PDZD2: variants seen among roughly 807,000 people sequenced by gnomAD.
PDZD2 encodes the protein PDZ domain containing 2.
In PDZD2, 90 loss-of-function variants were observed where a neutral mutation model predicts 220.7. The ratio of observed to expected loss-of-function variants is 0.41; its 90% CI spans 0.34 to 0.49. PDZD2 has a LOEUF of 0.49. Among genes scored for constraint, PDZD2 ranks in the 20% least tolerant of loss-of-function variants. PDZD2 has a pLI of 0.28. For missense variants in PDZD2, 3,174 were observed against 3,608.5 expected (o/e 0.88, Z 3.08); for synonymous variants, 1,375 against 1,450.5 (o/e 0.95, Z 1.18).
Position 32,108,099 on chromosome 5 carries a change from G to A in PDZD2, c.8484G>A (p.Val2828=). 1.9e-6 allele frequency: 3 copies of A among 1,609,958 alleles called. No homozygotes were observed. Among genetic ancestry groups the A allele is most frequent in the Non-Finnish European group, 2.5e-6 (3 of 1,177,024 alleles). The change falls in exon 25 of 25, where the codon GTG becomes GTA. Residue 2828 remains valine (V), a synonymous_variant. Transcript: ENST00000438447. ...TGAAGTCTGTCCCAGAAGGACCTGT[G>A]CAGTTATTAATTAGAAAGCATAGGA... ...NIMKSVPEGP[V]QLLIRKHRNS...
intron 7 of PDZD2, among the ~76,000 whole-genome samples, chr5:32,045,875 C>T (rs1483914808): frequency 6.6e-6 from 1 of 151,676 alleles, no homozygotes; most frequent in African/African-American, 2.4e-5. Flanking sequence ...GCTTTCTTCC[C>T]ACTTTCTATC....
chr5:31,774,846 T>C (rs1001327755), intron 1 of PDZD2, among the ~76,000 whole-genome samples: 5 of 152,252 alleles, frequency 3.3e-5, no homozygotes, highest in Admixed American at 1.3e-4. Context: ...TGTATATAAA[T>C]AGAACTTTAA....
rs556131040 is a variant in PDZD2, at chr5:31,777,156, G to A, written c.-360-21733G>A. Among the ~76,000 whole-genome samples, 613 of 152,296 alleles carry A rather than the reference G, an allele frequency of 4.0e-3. 2 individuals carry two copies. Among genetic ancestry groups the A allele is most frequent in the African/African-American group, 0.013 (553 of 41,582 alleles). On this transcript the variant is annotated intron_variant, in intron 1 of 24. Coordinates refer to ENST00000438447, the MANE Select transcript of PDZD2 (RefSeq NM_178140.4). ...TGCACTGGCGCTCGCGGGGCAGCGT[G>A]AGTTCCGGGTGGGCACGGGCTCGGC...
At chr5:31,926,698 C>T (rs1236432472) in intron 2 of PDZD2, among the ~76,000 whole-genome samples, 1 of 152,138 alleles carries the variant, frequency 6.6e-6, no homozygotes, top group Non-Finnish European at 1.5e-5. Flanking sequence ...TACCATTCAA[C>T]CCAGCAATTC....
chr5:31,799,869 C>T, intron 2 of PDZD2, 145 bp downstream of exon 2: 6 of 638,542 alleles, frequency 9.4e-6, no homozygotes, highest in Non-Finnish European at 1.7e-5. Context: ...CTCATCCATT[C>T]AACGCAGCAT....
intron 2 of PDZD2, among the ~76,000 whole-genome samples, chr5:31,832,705 A>G (rs576682694): frequency 2.4e-4 from 37 of 152,172 alleles, no homozygotes; most frequent in African/African-American, 8.2e-4. Context: ...AAACCCAGCT[A>G]CTCAGGAGGC....
intron 1 of PDZD2, among the ~76,000 whole-genome samples, chr5:31,705,400 G>A (rs1282445747): frequency 2.0e-5 from 3 of 152,146 alleles, no homozygotes; most frequent in Non-Finnish European, 4.4e-5. Flanking sequence ...GCATTTTCTG[G>A]TGCCATTAAA....
At chr5:32,071,860 C>T (rs1196828371) in intron 16 of PDZD2, among the ~76,000 whole-genome samples, 1 of 152,114 alleles carries the variant, frequency 6.6e-6, no homozygotes, top group Non-Finnish European at 1.5e-5. Context: ...CCCATCGCAT[C>T]CCCCCAGTGT....
intron 1 of PDZD2, among the ~76,000 whole-genome samples, chr5:31,780,067 T>C (rs1167430194): frequency 6.6e-6 from 1 of 151,728 alleles, no homozygotes; most frequent in Non-Finnish European, 1.5e-5. Context: ...TAGTCCAGAG[T>C]CAAGCCTCCA....
At chr5:31,994,711 T>C (rs747063923) in intron 3 of PDZD2, among the ~76,000 whole-genome samples, 1 of 152,100 alleles carries the variant, frequency 6.6e-6, no homozygotes, top group Non-Finnish European at 1.5e-5. Context: ...GGTCTCAAAC[T>C]CCTGACCTCA....
At chr5:31,994,802 T>G (rs1165864495) in intron 3 of PDZD2, among the ~76,000 whole-genome samples, 1 of 152,244 alleles carries the variant, frequency 6.6e-6, no homozygotes, top group Non-Finnish European at 1.5e-5. Context: ...TATGGTGTTT[T>G]TAACATAAAT....
chr5:31,661,785 G>GTTTTTTTTT (rs5867089), intron 1 of PDZD2, among the ~76,000 whole-genome samples: 13 of 141,804 alleles, frequency 9.2e-5, no homozygotes, highest in Non-Finnish European at 1.2e-4. Flanking sequence ...TCCTCCCTTG[G>GTTTTTTTTT]TTTTTTTTTT....
intron 1 of PDZD2, among the ~76,000 whole-genome samples, chr5:31,708,733 G>T (rs75605742): frequency 6.6e-6 from 1 of 152,198 alleles, no homozygotes; most frequent in African/African-American, 2.4e-5. Context: ...CTTTCACATG[G>T]TATTGGGCCA....
chr5:31,659,532 A>G (rs1745683143), intron 1 of PDZD2, among the ~76,000 whole-genome samples: 1 of 151,994 alleles, frequency 6.6e-6, no homozygotes, highest in Non-Finnish European at 1.5e-5. Flanking sequence ...CCCCCACTCA[A>G]CTAGCCCCCG....
In PDZD2 at chr5:32,048,688, C is replaced by G. The variant is rs200109792; in HGVS notation, c.1665+4C>G. 6.2e-7 allele frequency: 1 copy of G among 1,613,720 alleles called. No individual in the cohort carries two copies. Among genetic ancestry groups the G allele is most frequent in the Non-Finnish European group, 8.5e-7 (1 of 1,179,766 alleles). On this transcript the variant is annotated splice_donor_region_variant and intron_variant, in intron 8 of 24. Coordinates refer to ENST00000438447, the MANE Select transcript of PDZD2 (RefSeq NM_178140.4). ...GGACTCTTCCAGTGCCTCACAGGTC[C>G]GACCAGGGCTGTGGATCTTTTCAAA...
chr5:31,834,382 T>A (rs1053817000), intron 2 of PDZD2, among the ~76,000 whole-genome samples: 4 of 152,128 alleles, frequency 2.6e-5, no homozygotes, highest in Non-Finnish European at 4.4e-5. Flanking sequence ...TCCTGGAAAT[T>A]AATATGGTTG....
intron 24 of PDZD2, 105 bp downstream of exon 24, chr5:32,101,344 G>GT (rs919136410): frequency 9.7e-7 from 1 of 1,033,604 alleles, no homozygotes; most frequent in Non-Finnish European, 1.4e-6. Context: ...AACCTAAACT[G>GT]TTTTTAATGC....
intron 1 of PDZD2, among the ~76,000 whole-genome samples, chr5:31,752,324 G>A (rs781035487): frequency 6.6e-6 from 1 of 152,072 alleles, no homozygotes; most frequent in African/African-American, 2.4e-5. Context: ...CAGGGCAGGC[G>A]AATCACCTGA....
intron 7 of PDZD2, among the ~76,000 whole-genome samples, chr5:32,041,260 G>A (rs548762422): frequency 1.3e-3 from 195 of 148,922 alleles, no homozygotes; most frequent in Middle Eastern, 7.0e-3. Context: ...AGCGAGGAGC[G>A]CCTCTGCCTG....
Sources: allele counts gnomAD v4.1 joint callset (sites outside exome capture counted in the v4.1 genomes callset), GRCh38; gene constraint gnomAD v4.1.1; transcripts MANE v1.5; gene names NCBI Gene and HGNC (gene_info 2026-07-23, HGNC 2026-07-21).